The following TSPAN18 variants were observed in gnomAD, a reference collection of about 807,000 sequenced individuals.
TSPAN18 encodes tetraspanin-18.
Under a neutral mutation model 27.3 loss-of-function variants are expected in TSPAN18, and 14 were observed. That is an observed-to-expected ratio of 0.51 (90% CI 0.34 to 0.80). The LOEUF is 0.80. TSPAN18 is among the 30% of genes least tolerant of loss of function. The pLI is 0.01. For synonymous variants in TSPAN18, 143 were observed against 136.5 expected (o/e 1.05, Z -0.33); for missense variants, 268 against 323.9 (o/e 0.83, Z 1.32).
chr11:44,734,063 G>A (rs1411919586), intron 1 of TSPAN18, among the ~76,000 whole-genome samples: 1 of 152,042 alleles, frequency 6.6e-6, no homozygotes, highest in Non-Finnish European at 1.5e-5. Flanking sequence ...TTGTTAAAGA[G>A]CCTGGCTCCT....
intron 2 of TSPAN18, among the ~76,000 whole-genome samples, chr11:44,817,842 C>T (rs1856845154): frequency 6.6e-6 from 1 of 152,212 alleles, no homozygotes; most frequent in Non-Finnish European, 1.5e-5. Flanking sequence ...AAATGAGGCT[C>T]CAGGAGCTGA....
At chr11:44,825,371 G>C (rs1030168949) in intron 2 of TSPAN18, among the ~76,000 whole-genome samples, 1 of 152,186 alleles carries the variant, frequency 6.6e-6, no homozygotes, top group African/African-American at 2.4e-5. Context: ...GCCCCACCAG[G>C]TTGAGTAAAT....
At chr11:44,920,096 T>C in intron 8 of TSPAN18, 97 bp downstream of exon 8, 1 of 1,241,616 alleles carries the variant, frequency 8.1e-7, no homozygotes, top group Non-Finnish European at 1.1e-6. Flanking sequence ...GGTCTGAAGC[T>C]ACCCCAGGAA....
chr11:44,831,698 A>G (rs1857158224), intron 2 of TSPAN18, among the ~76,000 whole-genome samples: 1 of 152,220 alleles, frequency 6.6e-6, no homozygotes, highest in Admixed American at 6.5e-5. Context: ...TGCTGAGGCA[A>G]CAGGGAACAA....
chr11:44,908,786 A>AG lies in TSPAN18; in HGVS notation c.64-918dup, dbSNP rs1391839015. The stretch of plus-strand genomic sequence containing the variant: ...AGAGAAAGGAGAAAGAAAGAAAGAA[A>AG]GAAAGAAAGAAAGAAAGAAAGAAAG... On this transcript the variant is annotated intron_variant, in intron 4 of 9. Coordinates refer to ENST00000520358, the MANE Select transcript of TSPAN18 (RefSeq NM_130783.5). Among the ~76,000 whole-genome samples, 308 of 91,686 alleles carry AG rather than the reference A, an allele frequency of 3.4e-3. 25 individuals are homozygous for AG. Among genetic ancestry groups the AG allele is most frequent in the African/African-American group, 0.011 (245 of 22,486 alleles). 60.1% of individuals were successfully genotyped at this position (91,686 alleles called of 152,430 possible).
chr11:44,836,420 T>C (rs915222781), intron 2 of TSPAN18, among the ~76,000 whole-genome samples: 2 of 152,142 alleles, frequency 1.3e-5, no homozygotes, highest in South Asian at 2.1e-4. Context: ...CAGAAGAAAA[T>C]TGGGAGCTAG....
At chr11:44,890,969 G>A (rs1220223920) in intron 3 of TSPAN18, among the ~76,000 whole-genome samples, 1 of 152,106 alleles carries the variant, frequency 6.6e-6, no homozygotes, top group African/African-American at 2.4e-5. Flanking sequence ...CCCAGAGTTC[G>A]AGACCAGTCT....
At chr11:44,801,690 A>T (rs959362667) in intron 2 of TSPAN18, among the ~76,000 whole-genome samples, 1 of 152,232 alleles carries the variant, frequency 6.6e-6, no homozygotes, top group African/African-American at 2.4e-5. Flanking sequence ...TGGAGGAGTT[A>T]CTAGCCTTTT....
rs1378770680 is a variant in TSPAN18 at position 44,932,167 on chromosome 11, C to CCGT, written c.*2991_*2993dup. ...AAACCAGCCGAGGCCCCAGCACCCGCCGTCTCCCCAGAAGCCCCCTCCTCC... is the reference window on the plus strand; with the variant it reads ...AAACCAGCCGAGGCCCCAGCACCCGCCGTCGTCTCCCCAGAAGCCCCCTCCTCC... On this transcript the variant is annotated 3_prime_UTR_variant, in exon 10 of 10. Transcript: ENST00000520358. 6.6e-6 allele frequency: 1 copy of CCGT among 152,196 alleles called. No individual in the cohort carries two copies. Among genetic ancestry groups the CCGT allele is most frequent in the African/African-American group, 2.4e-5 (1 of 41,438 alleles). 9.4% of individuals were successfully genotyped at this position (152,196 alleles called of 1,614,324 possible). A position where few individuals can be genotyped will look rare whatever the true frequency, so the allele number is the denominator to read the frequency against.
intron 3 of TSPAN18, among the ~76,000 whole-genome samples, chr11:44,879,783 G>C (rs1359867077): frequency 6.6e-6 from 1 of 152,252 alleles, no homozygotes; most frequent in Non-Finnish European, 1.5e-5. Flanking sequence ...AGCCAGAGCT[G>C]GATGTCTGTG....
At position 44,790,215 on chromosome 11, in the gene TSPAN18, G is replaced by A. The variant is rs1590471983; in HGVS notation, c.-153+25703G>A. Among the ~76,000 whole-genome samples the A allele has an allele frequency of 4.0e-5, 6 of 151,500 alleles. 1 individual carries two copies. The South Asian group carries it at 1.0e-3, about 26-fold the overall frequency. ...TGTGTGCATGTGTCTGTGTGTGCATGTTTGTGTATGTCCATGTGTTTGTGT... is the reference window on the plus strand; with the variant it reads ...TGTGTGCATGTGTCTGTGTGTGCATATTTGTGTATGTCCATGTGTTTGTGT... On this transcript the variant is annotated intron_variant, in intron 2 of 9. Transcript: ENST00000520358.
At position 44,931,109 on chromosome 11, in the gene TSPAN18, G is replaced by T; in HGVS notation, c.*1931G>T. 1 of 376,686 alleles carries T rather than the reference G, an allele frequency of 2.7e-6. No homozygotes were observed. Among genetic ancestry groups the T allele is most frequent in the Admixed American group, 3.2e-5 (1 of 31,102 alleles). The allele number at this position is 376,686 out of a possible 1,614,324, so 23.3% of individuals were successfully genotyped here. On this transcript the variant is annotated 3_prime_UTR_variant, in exon 10 of 10. Transcript: ENST00000520358. ...GTCCTTGCCCTCCCACCAGGTCTCT[G>T]AGCTCAGTGTTACCAAATTCGCCCT...
At chr11:44,841,373 C>T (rs1391177414) in intron 2 of TSPAN18, among the ~76,000 whole-genome samples, 11 of 152,092 alleles carry the variant, frequency 7.2e-5, no homozygotes, top group Non-Finnish European at 8.8e-5. Flanking sequence ...CAAAATTAGC[C>T]GAGAGTGGTG....
In TSPAN18 at chr11:44,765,974, C is replaced by T. The variant is rs367988762; in HGVS notation, c.-153+1462C>T. 1.4e-4 allele frequency among the ~76,000 whole-genome samples: 21 copies of T among 152,328 alleles called. 1 individual carries two copies. The South Asian group carries it at 4.1e-3, about 30-fold the overall frequency. ...ACTTAGGAAGCTCCCCGCACTGTTTCTTGTACATGTGCCCTCAACACCCGC... is the reference window on the plus strand; with the variant it reads ...ACTTAGGAAGCTCCCCGCACTGTTTTTTGTACATGTGCCCTCAACACCCGC... On this transcript the variant is annotated intron_variant, in intron 2 of 9. Coordinates refer to ENST00000520358, the MANE Select transcript of TSPAN18 (RefSeq NM_130783.5).
At chr11:44,795,829 C>T (rs1347765287) in intron 2 of TSPAN18, among the ~76,000 whole-genome samples, 1 of 152,116 alleles carries the variant, frequency 6.6e-6, no homozygotes, top group African/African-American at 2.4e-5. Context: ...CCTGAGCCCA[C>T]TGCCGGCTGG....
At chr11:44,767,453 C>A (rs1855593761) in intron 2 of TSPAN18, among the ~76,000 whole-genome samples, 1 of 152,184 alleles carries the variant, frequency 6.6e-6, no homozygotes, top group Admixed American at 6.5e-5. Flanking sequence ...TCTAGAGGTG[C>A]CCTCTGTGCC....
intron 2 of TSPAN18, among the ~76,000 whole-genome samples, chr11:44,771,324 T>C (rs1855685392): frequency 6.6e-6 from 1 of 152,232 alleles, no homozygotes; most frequent in African/African-American, 2.4e-5. Flanking sequence ...CTGGATCTTC[T>C]AATGTCTCTG....
At chr11:44,739,420 C>G (rs765861469) in intron 1 of TSPAN18, among the ~76,000 whole-genome samples, 10 of 152,220 alleles carry the variant, frequency 6.6e-5, no homozygotes, top group Non-Finnish European at 2.9e-5. Context: ...GTTAGGAGCT[C>G]GAGACCATGC....
At chr11:44,926,144 G>A (rs1401559693) in intron 8 of TSPAN18, among the ~76,000 whole-genome samples, 4 of 152,176 alleles carry the variant, frequency 2.6e-5, no homozygotes, top group Non-Finnish European at 5.9e-5. Flanking sequence ...TTTCCTTGGG[G>A]AAGTGGCCGA....
Sources: allele counts gnomAD v4.1 joint callset (sites outside exome capture counted in the v4.1 genomes callset), GRCh38; gene constraint gnomAD v4.1.1; transcripts MANE v1.5; gene names NCBI Gene and HGNC (gene_info 2026-07-23, HGNC 2026-07-21).